The following AKIRIN2 variants were observed in gnomAD, a reference collection of about 807,000 sequenced individuals.
The protein encoded by AKIRIN2 is akirin 2, also known as akirin-2.
In AKIRIN2, 6 loss-of-function variants were observed where a neutral mutation model predicts 29.3. The ratio of observed to expected loss-of-function variants is 0.20; its 90% CI spans 0.11 to 0.40. The LOEUF is 0.40. Among genes scored for constraint, AKIRIN2 ranks in the 10% least tolerant of loss-of-function variants. The pLI, the probability that AKIRIN2 is intolerant of heterozygous loss-of-function variation, is 1.00. For missense variants in AKIRIN2, 210 were observed against 276.1 expected (o/e 0.76, Z 1.70); for synonymous variants, 128 against 117.5 (o/e 1.09, Z -0.58).
intron 3 of AKIRIN2, among the ~76,000 whole-genome samples, chr6:87,677,015 T>TG (rs1488380929): frequency 9.9e-5 from 15 of 151,118 alleles, no homozygotes; most frequent in African/African-American, 3.7e-4. Flanking sequence ...AAGTAGAGCT[T>TG]GCAGTGAGCC....
At chr6:87,689,022 T>C (rs966586334) in intron 1 of AKIRIN2, among the ~76,000 whole-genome samples, 2 of 152,226 alleles carry the variant, frequency 1.3e-5, no homozygotes, top group Non-Finnish European at 2.9e-5. Flanking sequence ...TAGTTGTTCC[T>C]CCTCCTGCAG....
At chr6:87,685,132 T>C (rs55909105) in intron 1 of AKIRIN2, among the ~76,000 whole-genome samples, 25,189 of 152,164 alleles carry the variant, frequency 0.17, 2,181 homozygotes, top group African/African-American at 0.21. Context: ...AGCCACACTG[T>C]GCCCTCAAAT....
intron 1 of AKIRIN2, among the ~76,000 whole-genome samples, chr6:87,695,209 T>C (rs1771338560): frequency 6.6e-6 from 1 of 152,080 alleles, no homozygotes; most frequent in African/African-American, 2.4e-5. Context: ...TCCAGAAAAA[T>C]GAAGAGAGAA....
At chr6:87,694,351 G>GA (rs1771326248) in intron 1 of AKIRIN2, among the ~76,000 whole-genome samples, 1 of 152,090 alleles carries the variant, frequency 6.6e-6, no homozygotes, top group African/African-American at 2.4e-5. Flanking sequence ...TACTAATGTG[G>GA]AAAAATATTA....
At chr6:87,680,285 T>C (rs1748951209) in intron 2 of AKIRIN2, among the ~76,000 whole-genome samples, 1 of 3,194 alleles carries the variant, frequency 3.1e-4, no homozygotes, top group Admixed American at 2.8e-3. Context: ...GGTCTTTGAT[T>C]TTTTTTTTTT....
At chr6:87,694,379 G>A (rs1226206859) in intron 1 of AKIRIN2, among the ~76,000 whole-genome samples, 1 of 152,134 alleles carries the variant, frequency 6.6e-6, no homozygotes, top group Non-Finnish European at 1.5e-5. Flanking sequence ...ATGAAAATAG[G>A]TATACTGATA....
intron 1 of AKIRIN2, among the ~76,000 whole-genome samples, chr6:87,683,623 T>A (rs1433652163): frequency 6.6e-6 from 1 of 152,138 alleles, no homozygotes; most frequent in Non-Finnish European, 1.5e-5. Flanking sequence ...ATAACAGACC[T>A]CTTTTCAGTA....
intron 2 of AKIRIN2, among the ~76,000 whole-genome samples, chr6:87,680,345 G>C (rs1057438847): frequency 1.5e-5 from 2 of 137,714 alleles, no homozygotes; most frequent in African/African-American, 5.5e-5. Flanking sequence ...GCAATGGCGC[G>C]ATCTCTGCTC....
chr6:87,693,544 A>G lies in AKIRIN2; in HGVS notation c.235+7906T>C, dbSNP rs779187301. 4.6e-5 allele frequency among the ~76,000 whole-genome samples: 7 copies of G among 152,216 alleles called. No individual in the cohort carries two copies. The South Asian group carries it at 1.2e-3, about 27-fold the overall frequency. On this transcript the variant is annotated intron_variant, in intron 1 of 4. Transcript: ENST00000257787. The stretch of plus-strand genomic sequence containing the variant: ...GGAGTTCAAGATCAGCCTGACCAAC[A>G]TGGTGAAACCCTGTCTCTACTAAAA...
rs202187671 is a variant in AKIRIN2, at chr6:87,675,815, G to A, written c.601+45C>T. On this transcript the variant is annotated intron_variant, in intron 4 of 4. Transcript: ENST00000257787. ...TAATTATAATGTCTTCTCCTTAAAA[G>A]ACAGTCTTATTTTCAGTTTATAACT... The A allele has an allele frequency of 9.0e-6, 14 of 1,554,404 alleles. No homozygotes were observed. The East Asian group carries it at 3.1e-4, about 35-fold the overall frequency.
intron 1 of AKIRIN2, among the ~76,000 whole-genome samples, chr6:87,699,694 G>A (rs566377274): frequency 3.3e-5 from 5 of 152,254 alleles, no homozygotes; most frequent in African/African-American, 7.2e-5. Flanking sequence ...ATTAACCAAC[G>A]CTACAGATAT....
chr6:87,687,503 A>C (rs1375751419), intron 1 of AKIRIN2, among the ~76,000 whole-genome samples: 1 of 150,630 alleles, frequency 6.6e-6, no homozygotes, highest in Non-Finnish European at 1.5e-5. Context: ...TTAATTGGCT[A>C]TTTTCCCAGG....
In AKIRIN2 at chr6:87,702,069, C is replaced by A; in HGVS notation, c.-385G>T. On this transcript the variant is annotated 5_prime_UTR_variant, in exon 1 of 5. Coordinates refer to ENST00000257787, the MANE Select transcript of AKIRIN2 (RefSeq NM_018064.4). ...GCTGAGACTAGATCCTTTCTGAAGT[C>A]GAAAACAGCACCGTGGGGTGTGAGG... The A allele has an allele frequency of 2.5e-6, 1 of 399,512 alleles. No homozygotes were observed. The highest frequency in any genetic ancestry group is 1.2e-4 in the South Asian group (1 of 8,334). 24.7% of individuals were successfully genotyped at this position (399,512 alleles called of 1,614,324 possible).
At chr6:87,698,128 C>A (rs1771400234) in intron 1 of AKIRIN2, among the ~76,000 whole-genome samples, 1 of 152,142 alleles carries the variant, frequency 6.6e-6, no homozygotes, top group Non-Finnish European at 1.5e-5. Context: ...AGTATTGATG[C>A]AGCTACTAGA....
intron 1 of AKIRIN2, among the ~76,000 whole-genome samples, chr6:87,693,944 A>C (rs2128302607): frequency 6.6e-6 from 1 of 152,314 alleles, no homozygotes; most frequent in South Asian, 2.1e-4. Flanking sequence ...CTTCTAGATA[A>C]TCATATTTTA....
At chr6:87,675,779 G>T (rs556401229) in intron 4 of AKIRIN2, 81 bp downstream of exon 4, 97 of 1,486,518 alleles carry the variant, frequency 6.5e-5, no homozygotes, top group Non-Finnish European at 8.5e-5. Flanking sequence ...TTCTCTTTTT[G>T]AGTATGAAAA....
intron 1 of AKIRIN2, chr6:87,700,537 T>C (rs1771443210): frequency 6.6e-6 from 1 of 152,202 alleles, no homozygotes; most frequent in African/African-American, 2.4e-5. Context: ...AAACTGGGCA[T>C]ACACATGCCC....
At chr6:87,695,943 T>A (rs1042307822) in intron 1 of AKIRIN2, among the ~76,000 whole-genome samples, 1 of 152,112 alleles carries the variant, frequency 6.6e-6, no homozygotes, top group Non-Finnish European at 1.5e-5. Flanking sequence ...TTTGGGAGGC[T>A]GAAGCGGGCA....
At chr6:87,682,389 GTGAT>G (rs951617030) in intron 1 of AKIRIN2, among the ~76,000 whole-genome samples, 3 of 152,186 alleles carry the variant, frequency 2.0e-5, no homozygotes, top group African/African-American at 7.2e-5. Context: ...ACCATGTAAA[GTGAT>G]TGGTACATGA....
Sources: gnomAD v4.1 joint callset for allele counts (sites outside exome capture counted in the v4.1 genomes callset) on GRCh38, gnomAD v4.1.1 for gene constraint, MANE v1.5 for transcripts, NCBI Gene and HGNC (gene_info 2026-07-23, HGNC 2026-07-21) for gene names.